Variants in KIF2C observed in about 807,000 individuals in gnomAD.
KIF2C encodes kinesin family member 2C.
Under a neutral mutation model 97.4 loss-of-function variants are expected in KIF2C, and 34 were observed. That is an observed-to-expected ratio of 0.35 (90% CI 0.27 to 0.46). The LOEUF (loss-of-function observed/expected upper bound fraction) is 0.46, where lower values mean the gene tolerates loss of function less well. KIF2C is among the 20% of genes least tolerant of loss of function. The pLI is 1.00. For synonymous variants in KIF2C, 313 were observed against 318.2 expected, an observed-to-expected ratio of 0.98 and a Z score of 0.17; for missense variants, 750 against 907.6, an observed-to-expected ratio of 0.83 and a Z score of 2.23.
chr1:44,758,129 T>C lies in KIF2C; in HGVS notation c.1213T>C (p.Tyr405His). Residue 405 changes from tyrosine to histidine, a missense_variant, in exon 13 of 21, where the codon TAC becomes CAC. Tyr to His is a moderately conservative substitution (Grantham distance 83). Coordinates refer to ENST00000372224, the MANE Select transcript of KIF2C (RefSeq NM_006845.4). Reference protein sequence around the residue: ...LEVYVTFFEIYNGKLFDLLNK... With the variant: ...LEVYVTFFEIHNGKLFDLLNK... Reference sequence around the variant, plus strand: ...AGTCTATGTGACATTCTTCGAGATCTACAATGGGAAGGTAGCTGGCAGGAA... The same window carrying C: ...AGTCTATGTGACATTCTTCGAGATCCACAATGGGAAGGTAGCTGGCAGGAA... 8 of 1,614,026 alleles carry C rather than the reference T, an allele frequency of 5.0e-6. No homozygotes were observed. Among genetic ancestry groups the C allele is most frequent in the Non-Finnish European group, 6.8e-6 (8 of 1,179,944 alleles).
Position 44,760,423 on chromosome 1 carries a change from G to C in KIF2C, c.1511G>C (p.Ser504Thr). 2 of 1,614,230 alleles carry C rather than the reference G, an allele frequency of 1.2e-6. No individual in the cohort carries two copies. Among genetic ancestry groups the C allele is most frequent in the Non-Finnish European group, 1.7e-6 (2 of 1,180,044 alleles). Reference sequence around the variant, plus strand: ...AATGAGCGAGGCGCGGACACTTCCAGTGCTGACCGGCAGACCCGCATGGAG... The same window carrying C: ...AATGAGCGAGGCGCGGACACTTCCACTGCTGACCGGCAGACCCGCATGGAG... ...AGNERGADTSSADRQTRMEGA... is the reference protein window; with the variant it reads ...AGNERGADTSTADRQTRMEGA... Residue 504 changes from serine to threonine, a missense_variant, in exon 15 of 21, where the codon AGT becomes ACT. By Grantham distance (58) the Ser-to-Thr change is moderately conservative. Coordinates refer to ENST00000372224, the MANE Select transcript of KIF2C (RefSeq NM_006845.4). The surrounding 1 kb of genome is among the most constrained non-coding windows in gnomAD (Gnocchi z 4.2).
rs147480287 is a variant in KIF2C, at chr1:44,747,426, C to T, written c.208C>T (p.Gln70Ter). 6.2e-7 allele frequency: 1 copy of T among 1,611,054 alleles called. No individual in the cohort carries two copies. Among genetic ancestry groups the T allele is most frequent in the Non-Finnish European group, 8.5e-7 (1 of 1,179,310 alleles). Residue 70 changes from glutamine (Q) to a stop codon, truncating the protein, a stop_gained, in exon 3 of 21, where the codon CAG becomes TAG. Transcript: ENST00000372224. LOFTEE classifies it high-confidence loss of function. ...DVAAINPELL[Q>*]LLPLHPKDNL... The stretch of plus-strand genomic sequence containing the variant: ...GGCTGCAATAAACCCAGAACTCTTA[C>T]AGCTTCTTCCCTTACATCCGAAGGA...
chr1:44,755,904 G>A (rs1249639319), intron 8 of KIF2C, 25 bp from the exon 9 acceptor site: 2 of 1,612,584 alleles, frequency 1.2e-6, no homozygotes, highest in Admixed American at 3.3e-5. Context: ...TTTGCTGTTG[G>A]TTGCCTCCTC....
intron 1 of KIF2C, among the ~76,000 whole-genome samples, chr1:44,740,428 G>A (rs951461084): frequency 6.6e-6 from 1 of 152,190 alleles, no homozygotes; most frequent in Non-Finnish European, 1.5e-5. Flanking sequence ...GGAGCTTGTA[G>A]TCGTTCTCTC....
chr1:44,751,980 C>A (rs917072267), intron 5 of KIF2C, among the ~76,000 whole-genome samples: 1 of 151,024 alleles, frequency 6.6e-6, no homozygotes, highest in African/African-American at 2.4e-5. Context: ...CACCACCACA[C>A]CTGGCTAATT....
chr1:44,759,485 C>CG, intron 14 of KIF2C, 137 bp downstream of exon 14: 1 of 1,044,322 alleles, frequency 9.6e-7, no homozygotes, highest in South Asian at 1.5e-5. Flanking sequence ...CTCTGCTTTA[C>CG]GGGGTCTCAA....
At chr1:44,746,391 G>A (rs1446451816) in intron 2 of KIF2C, 5 of 1,091,214 alleles carry the variant, frequency 4.6e-6, no homozygotes, top group African/African-American at 1.6e-5. Context: ...ACAGGAAATA[G>A]GTAAGGCATG....
At chr1:44,743,027 A>G (rs532996674) in intron 2 of KIF2C, among the ~76,000 whole-genome samples, 2 of 152,274 alleles carry the variant, frequency 1.3e-5, no homozygotes, top group East Asian at 3.9e-4. Flanking sequence ...ACACATGGGG[A>G]CCATGAAGAA....
intron 2 of KIF2C, chr1:44,746,319 CCT>C (rs753485144): frequency 1.8e-5 from 18 of 985,664 alleles, no homozygotes; most frequent in Non-Finnish European, 1.9e-5. Context: ...TTGAGTTGTT[CCT>C]GGAGAATTGC....
intron 19 of KIF2C, among the ~76,000 whole-genome samples, chr1:44,765,653 T>G (rs907997849): frequency 6.6e-6 from 1 of 152,064 alleles, no homozygotes; most frequent in Admixed American, 6.6e-5. Context: ...GCCAACATAG[T>G]GAAACCCTGT....
intron 5 of KIF2C, among the ~76,000 whole-genome samples, chr1:44,750,794 T>C (rs1649470473): frequency 6.6e-6 from 1 of 152,232 alleles, no homozygotes; most frequent in South Asian, 2.1e-4. Context: ...ATTGAGTATT[T>C]AGTTCTGTGA....
At chr1:44,740,027 A>C (rs372976978) in intron 1 of KIF2C, 25 bp downstream of exon 1, 2 of 1,614,048 alleles carry the variant, frequency 1.2e-6, no homozygotes, top group South Asian at 2.2e-5. Flanking sequence ...CCCTAGGTCA[A>C]GGGGACTCGT....
At chr1:44,750,317 G>A in intron 4 of KIF2C, 125 bp from the exon 5 acceptor site, 3 of 1,022,182 alleles carry the variant, frequency 2.9e-6, no homozygotes, top group Non-Finnish European at 3.9e-6. Flanking sequence ...AGGAATATGG[G>A]AAGTTGGCGA....
At chr1:44,763,535 G>A (rs1178042309) in intron 19 of KIF2C, among the ~76,000 whole-genome samples, 1 of 152,120 alleles carries the variant, frequency 6.6e-6, no homozygotes, top group Non-Finnish European at 1.5e-5. Context: ...AGGTCAACAG[G>A]GATCTGATGC....
intron 4 of KIF2C, among the ~76,000 whole-genome samples, chr1:44,750,102 T>C (rs1016277477): frequency 6.7e-6 from 1 of 149,146 alleles, no homozygotes; most frequent in African/African-American, 2.5e-5. Flanking sequence ...AAAAAAAAGA[T>C]TCATAATACT....
At chr1:44,746,364 C>T in intron 2 of KIF2C, 4 of 1,047,414 alleles carry the variant, frequency 3.8e-6, no homozygotes, top group Non-Finnish European at 3.4e-6. Context: ...AGAATTGTGA[C>T]CTCATTGCAG....
intron 19 of KIF2C, among the ~76,000 whole-genome samples, chr1:44,766,378 G>A (rs1168117744): frequency 1.3e-5 from 2 of 152,250 alleles, no homozygotes; most frequent in East Asian, 1.9e-4. Context: ...TTGAGAGGCC[G>A]AGGCCTGCGG....
chr1:44,747,744 G>A (rs1374953671), intron 4 of KIF2C, 44 bp downstream of exon 4: 45 of 1,570,200 alleles, frequency 2.9e-5, no homozygotes, highest in Non-Finnish European at 3.8e-5. Flanking sequence ...ATTTGTGTCA[G>A]GAATTATGTT....
rs1472335044 is a variant in KIF2C at position 44,761,903 on chromosome 1, C to T, written c.1684-13C>T. On this transcript the variant is annotated splice_polypyrimidine_tract_variant and intron_variant, in intron 16 of 20. Transcript: ENST00000372224. ...TGCCTCTCAGCCTTTAATCACCCAC[C>T]CCTCTTTTGCAGATTGCCACGATCT... The T allele has an allele frequency of 1.2e-6, 2 of 1,613,804 alleles. No homozygotes were observed. Among genetic ancestry groups the T allele is most frequent in the Non-Finnish European group, 1.7e-6 (2 of 1,179,820 alleles).
Sources: gnomAD v4.1 joint callset for allele counts (sites outside exome capture counted in the v4.1 genomes callset) on GRCh38, gnomAD v4.1.1 for gene constraint, Gnocchi (gnomAD v3.1) non-coding constraint, MANE v1.5 for transcripts, NCBI Gene and HGNC (gene_info 2026-07-23, HGNC 2026-07-21) for gene names.